Variants in C8A observed in about 807,000 individuals in gnomAD.
C8A encodes the protein complement C8 alpha chain, also known as complement component C8 alpha chain.
A neutral mutation model predicts 65.3 loss-of-function variants in C8A; 67 were observed. The observed-to-expected ratio is 1.03, with a 90% CI of 0.84 to 1.26. The LOEUF is 1.26. Among genes scored for constraint, C8A ranks in the 50% most tolerant of loss-of-function variants. The probability of loss-of-function intolerance (pLI) is 0.00; values close to 1 mark genes in which losing one functional copy is unlikely to be tolerated. For synonymous variants in C8A, 290 were observed against 259.4 expected (o/e 1.12, Z -1.13); for missense variants, 781 against 723.9 (o/e 1.08, Z -0.90).
intron 1 of C8A, among the ~76,000 whole-genome samples, chr1:56,864,987 T>G (rs916771258): frequency 2.6e-5 from 4 of 152,080 alleles, no homozygotes; most frequent in Admixed American, 6.6e-5. Context: ...GGCACTAATC[T>G]CATAGGAAAA....
At position 56,908,045 on chromosome 1, in the gene C8A, A is replaced by G. The variant is rs1644480068; in HGVS notation, c.1312A>G (p.Arg438Gly). The G allele has an allele frequency of 1.2e-6, 2 of 1,614,086 alleles. No individual in the cohort carries two copies. Among genetic ancestry groups the G allele is most frequent in the Non-Finnish European group, 8.5e-7 (1 of 1,180,018 alleles). Reference sequence around the variant, plus strand: ...CTGGAGCGGTGGCTTGGCACAGAACAGGAGCACCATTACATACCGTTCCTG... The same window carrying G: ...CTGGAGCGGTGGCTTGGCACAGAACGGGAGCACCATTACATACCGTTCCTG... ...SGWSGGLAQN[R>G]STITYRSWGR... is the part of the protein sequence containing the mutation. Residue 438 changes from arginine to glycine, a missense_variant, in exon 9 of 11, where the codon AGG becomes GGG. Transcript: ENST00000361249.
rs151181250 is a variant in C8A at position 56,912,367 on chromosome 1, C to A, written c.1381-36C>A. On this transcript the variant is annotated intron_variant, in intron 9 of 10. Transcript: ENST00000361249. ...TGGGCTCTGGGAAGGTAGATAGAGC[C>A]CAGGGAGGGGCCCTGTGTTCTTTCT... The A allele has an allele frequency of 4.3e-4, 680 of 1,596,960 alleles. 3 individuals are homozygous for A. The African/African-American group carries it at 8.1e-3, about 19-fold the overall frequency.
chr1:56,916,487 G>A (rs1203048986), intron 10 of C8A, among the ~76,000 whole-genome samples: 1 of 152,156 alleles, frequency 6.6e-6, no homozygotes, highest in African/African-American at 2.4e-5. Flanking sequence ...GAGACAGAGA[G>A]CCTTGCTGTG....
At chr1:56,901,963 C>T (rs1644429873) in intron 7 of C8A, among the ~76,000 whole-genome samples, 1 of 152,174 alleles carries the variant, frequency 6.6e-6, no homozygotes, top group Non-Finnish European at 1.5e-5. Flanking sequence ...TCTCAACTAG[C>T]TCTAACACAG....
chr1:56,864,555 T>G (rs1463036852), intron 1 of C8A, among the ~76,000 whole-genome samples: 1 of 151,968 alleles, frequency 6.6e-6, no homozygotes, highest in Non-Finnish European at 1.5e-5. Context: ...ATGAATGACT[T>G]GGAGGAGGAG....
intron 5 of C8A, among the ~76,000 whole-genome samples, chr1:56,882,654 A>G (rs1313862359): frequency 2.0e-5 from 3 of 151,940 alleles, no homozygotes; most frequent in Non-Finnish European, 4.4e-5. Context: ...CCCCAACCCC[A>G]CTCCAACCTC....
At chr1:56,891,005 A>C (rs1354840291) in intron 7 of C8A, among the ~76,000 whole-genome samples, 1 of 152,194 alleles carries the variant, frequency 6.6e-6, no homozygotes, top group Non-Finnish European at 1.5e-5. Flanking sequence ...GTAGGGACTT[A>C]ATAACTTGTG....
intron 10 of C8A, among the ~76,000 whole-genome samples, chr1:56,914,897 C>G (rs908918732): frequency 1.3e-5 from 2 of 152,098 alleles, no homozygotes; most frequent in Non-Finnish European, 2.9e-5. Context: ...AGGCTGGTCT[C>G]GAACTCCTAG....
In C8A at chr1:56,885,349, T is replaced by C. The variant is rs182685778; in HGVS notation, c.856-578T>C. 1.1e-3 allele frequency among the ~76,000 whole-genome samples: 94 copies of C among 88,326 alleles called. 3 individuals are homozygous for C. Among genetic ancestry groups the C allele is most frequent in the South Asian group, 2.2e-3 (6 of 2,750 alleles). The allele number at this position is 88,326 out of a possible 152,430, so 57.9% of individuals were successfully genotyped here. A position where few individuals can be genotyped will look rare whatever the true frequency, so the allele number is the denominator to read the frequency against. Reference sequence around the variant, plus strand: ...ATTTAAATATATATTTACATAAATATATATTTATGTAAATATATATTTATA... The same window carrying C: ...ATTTAAATATATATTTACATAAATACATATTTATGTAAATATATATTTATA... On this transcript the variant is annotated intron_variant, in intron 6 of 10. Coordinates refer to ENST00000361249, the MANE Select transcript of C8A (RefSeq NM_000562.3).
chr1:56,885,264 T>TTATATATAAATATATATTTACATAAA lies in C8A; in HGVS notation c.856-655_856-630dup, dbSNP rs1644280309. Among the ~76,000 whole-genome samples, 9 of 134,592 alleles carry TTATATATAAATATATATTTACATAAA rather than the reference T, an allele frequency of 6.7e-5. No individual in the cohort carries two copies. In the Admixed American group the frequency reaches 6.8e-4, roughly 10 times the overall value. 88.3% of individuals were successfully genotyped at this position (134,592 alleles called of 152,430 possible). On this transcript the variant is annotated intron_variant, in intron 6 of 10. Transcript: ENST00000361249. The stretch of plus-strand genomic sequence containing the variant: ...CATGTATTTATGTTCATATACGTGT[T>TTATATATAAATATATATTTACATAAA]TATATATAAATATATATTTACATAA...
intron 7 of C8A, among the ~76,000 whole-genome samples, chr1:56,892,610 T>A (rs189441180): frequency 1.3e-5 from 2 of 152,198 alleles, no homozygotes; most frequent in African/African-American, 4.8e-5. Context: ...ATTCTACTGA[T>A]GACCATTCTA....
chr1:56,893,635 C>A (rs765846047), intron 7 of C8A, among the ~76,000 whole-genome samples: 7 of 152,150 alleles, frequency 4.6e-5, no homozygotes, highest in Non-Finnish European at 1.0e-4. Flanking sequence ...AACATGGACC[C>A]TGCCACTTAC....
intron 7 of C8A, among the ~76,000 whole-genome samples, chr1:56,903,392 C>T (rs969621858): frequency 7.9e-5 from 12 of 152,122 alleles, no homozygotes; most frequent in African/African-American, 2.9e-4. Context: ...CCCCTTCTTC[C>T]ATGATTGTGA....
chr1:56,905,796 T>C (rs927693912), intron 7 of C8A, among the ~76,000 whole-genome samples: 1 of 152,256 alleles, frequency 6.6e-6, no homozygotes, highest in Admixed American at 6.5e-5. Flanking sequence ...CTCCTTTAGC[T>C]ACCGAAAAGG....
In C8A at chr1:56,872,448, A is replaced by T. The variant is rs189841951; in HGVS notation, c.172-2501A>T. Among the ~76,000 whole-genome samples, 21 of 152,304 alleles carry T rather than the reference A, an allele frequency of 1.4e-4. No homozygotes were observed. The East Asian group carries it at 4.1e-3, about 29-fold the overall frequency. On this transcript the variant is annotated intron_variant, in intron 2 of 10. Transcript: ENST00000361249. Reference sequence around the variant, plus strand: ...TTAGTTGATGATAAAGGAAAAATACAGAAAAAAATTTAAGATAATATATCT... The same window carrying T: ...TTAGTTGATGATAAAGGAAAAATACTGAAAAAAATTTAAGATAATATATCT...
At chr1:56,900,607 T>A (rs1196317156) in intron 7 of C8A, among the ~76,000 whole-genome samples, 6 of 151,000 alleles carry the variant, frequency 4.0e-5, no homozygotes, top group East Asian at 4.0e-4. Flanking sequence ...GAGTCTCCAA[T>A]GAGATAATGC....
At chr1:56,915,366 A>T (rs998261090) in intron 10 of C8A, among the ~76,000 whole-genome samples, 4 of 152,098 alleles carry the variant, frequency 2.6e-5, no homozygotes, top group Non-Finnish European at 4.4e-5. Flanking sequence ...CTTCCATGGA[A>T]CTGCAGATTC....
At chr1:56,855,021 C>A in intron 1 of C8A, 43 bp downstream of exon 1, 1 of 1,437,430 alleles carries the variant, frequency 7.0e-7, no homozygotes, top group Non-Finnish European at 9.8e-7. Context: ...ACGTAGGAAT[C>A]ACCTGCTGGG....
At chr1:56,893,628 A>G (rs1418471) in intron 7 of C8A, among the ~76,000 whole-genome samples, 15,342 of 152,242 alleles carry the variant, frequency 0.1, 1,011 homozygotes, top group Non-Finnish European at 0.15. Flanking sequence ...GGTTGGAAAC[A>G]TGGACCCTGC....
Sources: allele counts gnomAD v4.1 joint callset (sites outside exome capture counted in the v4.1 genomes callset), GRCh38; gene constraint gnomAD v4.1.1; transcripts MANE v1.5; gene names NCBI Gene and HGNC (gene_info 2026-07-23, HGNC 2026-07-21).